GTPBP3: variants seen among roughly 807,000 people sequenced by gnomAD.
GTPBP3 encodes the protein GTP binding protein 3, mitochondrial, also known as 5-taurinomethyluridine-[tRNA] synthase subunit GTPB3, mitochondrial.
In GTPBP3, 35 loss-of-function variants were observed where a neutral mutation model predicts 42.0. That is an observed-to-expected ratio of 0.83 (90% CI 0.64 to 1.10). The LOEUF (loss-of-function observed/expected upper bound fraction) is 1.10, where lower values mean the gene tolerates loss of function less well. Among genes scored for constraint, GTPBP3 ranks in the 50% least tolerant of loss-of-function variants. GTPBP3 has a pLI of 0.00. For missense variants in GTPBP3, 691 were observed against 685.2 expected, an observed-to-expected ratio of 1.01 and a Z score of -0.09; for synonymous variants, 332 against 314.9, an observed-to-expected ratio of 1.05 and a Z score of -0.58.
rs2074436409 is a variant in GTPBP3, at chr19:17,341,863, G to A, written c.*160G>A. On this transcript the variant is annotated 3_prime_UTR_variant, in exon 9 of 9. Transcript: ENST00000324894. ...TGAGAGGTAGTGAGATCCCTGCAGG[G>A]ACTCCCTGGAGATTCAGGCCCTGGA... 1.7e-6 allele frequency: 1 copy of A among 604,356 alleles called. No individual in the cohort carries two copies. The highest frequency in any genetic ancestry group is 2.7e-6 in the Non-Finnish European group (1 of 366,096). The allele number at this position is 604,356 out of a possible 1,614,324, so 37.4% of individuals were successfully genotyped here. A position where few individuals can be genotyped will look rare whatever the true frequency, so the allele number is the denominator to read the frequency against.
rs866503337 is a variant in GTPBP3 at position 17,339,259 on chromosome 19, C to A, written c.801C>A (p.Asn267Lys). ...ATGCGGGCAAGAGCAGCCTAGTGAA[C>A]CTGCTCAGTGAGTAGGCGGCGGGAA... ...PPNAGKSSLV[N>K]LLSRKPVSIV... Residue 267 changes from asparagine (N) to lysine (K), a missense_variant, in exon 6 of 9, where the codon AAC (asparagine) becomes AAA (lysine). Asn to Lys is a moderately conservative substitution (Grantham distance 94). Transcript: ENST00000324894. 3 of 1,604,836 alleles carry A rather than the reference C, an allele frequency of 1.9e-6. No homozygotes were observed. The highest frequency in any genetic ancestry group is 2.7e-5 in the African/African-American group (2 of 74,798).
Position 17,338,614 on chromosome 19 carries a change from T to C in GTPBP3, c.464T>C (p.Leu155Pro), listed in dbSNP as rs558202040. Residue 155 changes from leucine to proline, a missense_variant, in exon 4 of 9, where the codon CTG becomes CCG. Transcript: ENST00000324894. Reference sequence around the variant, plus strand: ...GCGTTCGCCAATGGGAAGCTGAACCTGACCGAAGTGGAGGGGCTGGCGGAC... The same window carrying C: ...GCGTTCGCCAATGGGAAGCTGAACCCGACCGAAGTGGAGGGGCTGGCGGAC... ...RRAFANGKLN[L>P]TEVEGLADLI... 3 of 1,614,050 alleles carry C rather than the reference T, an allele frequency of 1.9e-6. No homozygotes were observed. In the African/African-American group the frequency reaches 4.0e-5, roughly 22 times the overall value.
At chr19:17,339,727 G>T in intron 7 of GTPBP3, 128 bp downstream of exon 7, 3 of 856,786 alleles carry the variant, frequency 3.5e-6, no homozygotes, top group Non-Finnish European at 5.1e-6. Flanking sequence ...ATGGATCTCA[G>T]GGATTTGGTT....
At chr19:17,340,357 G>A (rs1490581481) in intron 7 of GTPBP3, among the ~76,000 whole-genome samples, 1 of 152,002 alleles carries the variant, frequency 6.6e-6, no homozygotes, top group Non-Finnish European at 1.5e-5. Flanking sequence ...TTCTGATTAA[G>A]TCCTGCCCCC....
chr19:17,338,101 A>G lies in GTPBP3; in HGVS notation c.147A>G (p.Ala49=), dbSNP rs978392642. 6.3e-7 allele frequency: 1 copy of G among 1,595,988 alleles called. No homozygotes were observed. The highest frequency in any genetic ancestry group is 8.5e-7 in the Non-Finnish European group (1 of 1,178,610). ...LSSGQGRCGI[A]VIRTSGPASG... ...CTGGCCAAGGCCGCTGCGGCATCGC[A>G]GTGATCCGGACCAGCGGCCCCGCCA... The change falls in exon 2 of 9, where the codon GCA becomes GCG. Residue 49 remains alanine, a synonymous_variant. Coordinates refer to ENST00000324894, the MANE Select transcript of GTPBP3 (RefSeq NM_032620.4).
rs772716704 is a variant in GTPBP3 at position 17,338,549 on chromosome 19, AGG to A, written c.401_402del (p.Gly134AlafsTer78). ...GGGACCTTCCTGCAGGCAGCGTGCCAGGGCTTCGACCGGCGGAGGCAGGCGAG... is the reference window on the plus strand; with the variant it reads ...GGGACCTTCCTGCAGGCAGCGTGCCAGCTTCGACCGGCGGAGGCAGGCGAG... Reference protein sequence around the residue: ...GVLQALGSVPGLRPAEAGEFT... With the variant: ...GVLQALGSVPXLRPAEAGEFT... On this transcript the variant is annotated frameshift_variant, in exon 4 of 9. Transcript: ENST00000324894. LOFTEE classifies it high-confidence loss of function. The A allele has an allele frequency of 6.2e-7, 1 of 1,613,716 alleles. No homozygotes were observed. Among genetic ancestry groups the A allele is most frequent in the Non-Finnish European group, 8.5e-7 (1 of 1,179,758 alleles).
intron 1 of GTPBP3, 136 bp downstream of exon 1, chr19:17,337,800 C>A: frequency 7.9e-7 from 1 of 1,260,102 alleles, no homozygotes; most frequent in Non-Finnish European, 1.1e-6. Flanking sequence ...CGTTCATGAC[C>A]CTTGCGGCAG....
upstream of GTPBP3, chr19:17,335,022 TGTCCCCACCCATGCTTTCTTCTG>T (rs1312492819): frequency 2.0e-6 from 3 of 1,536,060 alleles, no homozygotes; most frequent in African/African-American, 2.7e-5. Context: ...TTCTCCAACT[TGTCCCCACCCATGCTTTCTTCTG>T]GTCCCCGCCT....
chr19:17,337,249 G>A (rs1194713031), upstream of GTPBP3: 4 of 222,178 alleles, frequency 1.8e-5, no homozygotes, highest in Non-Finnish European at 3.5e-5. Context: ...GAAAATGCGG[G>A]ACTCAAAACC....
At position 17,339,173 on chromosome 19, in the gene GTPBP3, G is replaced by A. The variant is rs374198861; in HGVS notation, c.715G>A (p.Asp239Asn). The change falls in exon 6 of 9, where the codon GAT becomes AAT. Residue 239 changes from aspartate (D) to asparagine (N), a missense_variant. By Grantham distance (23) the Asp-to-Asn change is conservative. Coordinates refer to ENST00000324894, the MANE Select transcript of GTPBP3 (RefSeq NM_032620.4). ...GGTGGCCCTGGGTGCACATCTACGA[G>A]ATGCCAGGCGCGGGCAGAGGCTCCG... ...LQVALGAHLR[D>N]ARRGQRLRSG... The A allele has an allele frequency of 1.1e-5, 18 of 1,613,888 alleles. No homozygotes were observed. Among genetic ancestry groups the A allele is most frequent in the Non-Finnish European group, 1.5e-5 (18 of 1,180,038 alleles).
chr19:17,340,882 GC>G (rs1343022706), intron 7 of GTPBP3, 161 bp from the exon 8 acceptor site: 4 of 710,310 alleles, frequency 5.6e-6, no homozygotes, highest in Non-Finnish European at 9.1e-6. Flanking sequence ...CTCGGCTTGG[GC>G]CCCCAACATT....
intron 1 of GTPBP3, 72 bp from the exon 2 acceptor site, chr19:17,337,935 TC>T (rs767385664): frequency 2.5e-4 from 387 of 1,545,628 alleles, no homozygotes; most frequent in Non-Finnish European, 3.2e-4. Flanking sequence ...CTCGCGATCA[TC>T]GAGCCCTCGG....
rs746303532 is a variant in GTPBP3 at position 17,338,069 on chromosome 19, C to G, written c.115C>G (p.Leu39Val). Residue 39 changes from leucine (L) to valine (V), a missense_variant, in exon 2 of 9, where the codon CTA becomes GTA. Transcript: ENST00000324894. Reference sequence around the variant, plus strand: ...CGGCTCCGGCGCCACCATCTTCGCGCTAAGCTCTGGCCAAGGCCGCTGCGG... The same window carrying G: ...CGGCTCCGGCGCCACCATCTTCGCGGTAAGCTCTGGCCAAGGCCGCTGCGG... Reference protein sequence around the residue: ...APGSGATIFALSSGQGRCGIA... With the variant: ...APGSGATIFAVSSGQGRCGIA... The G allele has an allele frequency of 6.3e-7, 1 of 1,597,932 alleles. No homozygotes were observed.
rs2074389072 is a variant in GTPBP3, at chr19:17,338,348, CCTGT to C, written c.302-11_302-8del. On this transcript the variant is annotated splice_polypyrimidine_tract_variant and intron_variant, in intron 2 of 8. Coordinates refer to ENST00000324894, the MANE Select transcript of GTPBP3 (RefSeq NM_032620.4). ...CACTGGCTGTGCTGTCCTCCTGTCA[CCTGT>C]CTGTCACATTAGGTCCCCAGAGTTT... 3.7e-6 allele frequency: 6 copies of C among 1,613,396 alleles called. No homozygotes were observed. Among genetic ancestry groups the C allele is most frequent in the African/African-American group, 1.3e-5 (1 of 74,934 alleles).
Position 17,341,030 on chromosome 19 carries a change from C to T in GTPBP3, c.975-14C>T, listed in dbSNP as rs1368930193. The T allele has an allele frequency of 5.6e-6, 9 of 1,608,262 alleles. No homozygotes were observed. The highest frequency in any genetic ancestry group is 7.7e-6 in the Non-Finnish European group (9 of 1,176,342). ...CAACCTGGGATCCCCGCTCAGTTGA[C>T]CTTGCTCCCGCAGGCTAGAGCAGGC... On this transcript the variant is annotated splice_polypyrimidine_tract_variant and intron_variant, in intron 7 of 8. Coordinates refer to ENST00000324894, the MANE Select transcript of GTPBP3 (RefSeq NM_032620.4).
chr19:17,340,378 A>G (rs11666309), intron 7 of GTPBP3, among the ~76,000 whole-genome samples: 38,213 of 151,638 alleles, frequency 0.25, 5,667 homozygotes, highest in South Asian at 0.39. Flanking sequence ...GGCCCTCCGG[A>G]CATGTTTCTC....
chr19:17,336,668 C>A (rs898041133), upstream of GTPBP3: 1 of 152,290 alleles, frequency 6.6e-6, no homozygotes, highest in Non-Finnish European at 1.5e-5. Flanking sequence ...AAGGCGCTCC[C>A]GGAGACCCCG....
At chr19:17,335,147 G>A (rs972444901), upstream of GTPBP3, 2 of 1,535,508 alleles carry the variant, frequency 1.3e-6, no homozygotes, top group African/African-American at 2.7e-5. Flanking sequence ...GGAGGACGTG[G>A]GAGGGGCGGG....
upstream of GTPBP3, chr19:17,337,301 CCTTT>C: frequency 6.1e-6 from 2 of 325,810 alleles, no homozygotes; most frequent in Non-Finnish European, 1.1e-5. Context: ...CAAACTCTGT[CCTTT>C]CTTCCATTCC....
Sources: gnomAD v4.1 joint callset for allele counts (sites outside exome capture counted in the v4.1 genomes callset) on GRCh38, gnomAD v4.1.1 for gene constraint, MANE v1.5 for transcripts, NCBI Gene and HGNC (gene_info 2026-07-23, HGNC 2026-07-21) for gene names.